NPAS2: variants seen among roughly 807,000 people sequenced by gnomAD.
NPAS2 encodes neuronal PAS domain protein 2, also known as neuronal PAS domain-containing protein 2.
NPAS2 carries 23 observed loss-of-function variants against 107.5 expected under a neutral mutation model. The observed-to-expected ratio is 0.21, with a 90% CI of 0.15 to 0.30. NPAS2 has a LOEUF of 0.30. Ranked by LOEUF, NPAS2 falls within the 10% of genes least tolerant of loss-of-function variation. NPAS2 has a pLI of 1.00. For synonymous variants in NPAS2, 403 were observed against 417.5 expected (o/e 0.97, Z 0.42); for missense variants, 756 against 1,043.3 (o/e 0.72, Z 3.79).
chr2:100,822,397 TG>T (rs991240214), intron 1 of NPAS2, among the ~76,000 whole-genome samples: 4 of 152,228 alleles, frequency 2.6e-5, no homozygotes, highest in African/African-American at 9.6e-5. Context: ...AATTTCTGGC[TG>T]TTTAATAATG....
intron 15 of NPAS2, among the ~76,000 whole-genome samples, chr2:100,980,685 G>A (rs1412959781): frequency 6.6e-6 from 1 of 152,100 alleles, no homozygotes; most frequent in African/African-American, 2.4e-5. Flanking sequence ...TGGCCAGGCT[G>A]GTCTCAAACT....
At chr2:100,877,383 T>C (rs1241985092) in intron 1 of NPAS2, among the ~76,000 whole-genome samples, 1 of 134,032 alleles carries the variant, frequency 7.5e-6, no homozygotes, top group African/African-American at 2.8e-5. Context: ...AAGAATGGCA[T>C]GAACCTGGGA....
Position 100,926,937 on chromosome 2 carries a change from CTTTCTTTTTTTTT to C in NPAS2, c.181+1647_181+1659del, listed in dbSNP as rs1295557577. Among the ~76,000 whole-genome samples, 1,007 of 138,216 alleles carry C rather than the reference CTTTCTTTTTTTTT, an allele frequency of 7.3e-3. 10 individuals are homozygous for C. Among genetic ancestry groups the C allele is most frequent in the African/African-American group, 0.026 (956 of 37,212 alleles). 90.7% of individuals were successfully genotyped at this position (138,216 alleles called of 152,430 possible). ...GGTTTATAACCTTTTTTCTTTTTTTCTTTCTTTTTTTTTTTTTTTTTGAGACAGTCTTGTTCTG... is the reference window on the plus strand; with the variant it reads ...GGTTTATAACCTTTTTTCTTTTTTTCTTTTTTTTGAGACAGTCTTGTTCTG... On this transcript the variant is annotated intron_variant, in intron 3 of 20. Transcript: ENST00000335681.
At chr2:100,951,676 G>A (rs1675229525) in intron 7 of NPAS2, among the ~76,000 whole-genome samples, 1 of 152,146 alleles carries the variant, frequency 6.6e-6, no homozygotes, top group Non-Finnish European at 1.5e-5. Context: ...GGGGCTGGAG[G>A]GAGGGGGAAA....
At chr2:100,910,980 A>G (rs1030570289) in intron 2 of NPAS2, among the ~76,000 whole-genome samples, 1 of 152,160 alleles carries the variant, frequency 6.6e-6, no homozygotes, top group Admixed American at 6.5e-5. Flanking sequence ...ACAGGAGGGG[A>G]CTGCACTGAC....
At position 100,996,475 on chromosome 2, in the gene NPAS2, C is replaced by G. The variant is rs1416982677; in HGVS notation, c.*893C>G. 1 of 152,650 alleles carries G rather than the reference C, an allele frequency of 6.6e-6. No homozygotes were observed. Among genetic ancestry groups the G allele is most frequent in the African/African-American group, 2.4e-5 (1 of 41,440 alleles). 9.5% of individuals were successfully genotyped at this position (152,650 alleles called of 1,614,324 possible). ...TGGGGGACTGCAGTCCCCAAGGAGA[C>G]CCTGCCACATGCTGGCCCTTTGAGT... On this transcript the variant is annotated 3_prime_UTR_variant, in exon 21 of 21. Coordinates refer to ENST00000335681, the MANE Select transcript of NPAS2 (RefSeq NM_002518.4).
chr2:100,891,533 T>C (rs567469955), intron 1 of NPAS2, among the ~76,000 whole-genome samples: 30 of 152,270 alleles, frequency 2.0e-4, no homozygotes, highest in African/African-American at 6.7e-4. Flanking sequence ...CTCCTATCGA[T>C]TGTGAAAAGT....
At chr2:100,891,433 T>C (rs999380621) in intron 1 of NPAS2, among the ~76,000 whole-genome samples, 1 of 152,068 alleles carries the variant, frequency 6.6e-6, no homozygotes, top group Non-Finnish European at 1.5e-5. Context: ...GCTCTGAAGG[T>C]CCCACCTGTT....
chr2:100,946,019 A>G (rs952259086), intron 5 of NPAS2, among the ~76,000 whole-genome samples: 3 of 152,192 alleles, frequency 2.0e-5, no homozygotes, highest in African/African-American at 7.2e-5. Context: ...CCTGTTGGAG[A>G]GAGGGAGGCG....
Position 100,968,519 on chromosome 2 carries a change from C to T in NPAS2, c.1055+91C>T. The T allele has an allele frequency of 1.6e-6, 2 of 1,247,846 alleles. No homozygotes were observed. Among genetic ancestry groups the T allele is most frequent in the Non-Finnish European group, 2.3e-6 (2 of 882,406 alleles). 77.3% of individuals were successfully genotyped at this position (1,247,846 alleles called of 1,614,324 possible). On this transcript the variant is annotated intron_variant, in intron 11 of 20. Transcript: ENST00000335681. This position sits in a 1 kb window ranked among gnomAD's most constrained non-coding sequence, Gnocchi z 5.3. Reference sequence around the variant, plus strand: ...GTGGCCCCTGATGGCCAAGTCAGATCAGCAGTCACTCAGGTGTTCCCCATT... The same window carrying T: ...GTGGCCCCTGATGGCCAAGTCAGATTAGCAGTCACTCAGGTGTTCCCCATT...
At chr2:100,927,772 C>T (rs1683677526) in intron 3 of NPAS2, among the ~76,000 whole-genome samples, 1 of 152,198 alleles carries the variant, frequency 6.6e-6, no homozygotes. Flanking sequence ...TCTCCCTTTT[C>T]CTCTCCTTCA....
At chr2:100,895,521 C>G (rs1416776601) in intron 1 of NPAS2, among the ~76,000 whole-genome samples, 1 of 152,226 alleles carries the variant, frequency 6.6e-6, no homozygotes, top group Non-Finnish European at 1.5e-5. Flanking sequence ...ATGCTGGACC[C>G]AGGAACTCTG....
Position 100,993,393 on chromosome 2 carries a change from G to A in NPAS2, c.2158G>A (p.Ala720Thr), listed in dbSNP as rs141749026. The change falls in exon 20 of 21, where the codon GCC becomes ACC. Residue 720 changes from alanine to threonine, a missense_variant. Around this residue, in one of 4 missense-constraint regions of NPAS2, gnomAD observed 496 missense variants for 594.4 expected, o/e 0.83. Coordinates refer to ENST00000335681, the MANE Select transcript of NPAS2 (RefSeq NM_002518.4). Reference protein sequence around the residue: ...TVFQNPDAHPANSSSAPMPVL... With the variant: ...TVFQNPDAHPTNSSSAPMPVL... Reference sequence around the variant, plus strand: ...GTTTCAAAATCCAGACGCACACCCCGCCAACAGCAGCAGCGCCCCGATGCC... The same window carrying A: ...GTTTCAAAATCCAGACGCACACCCCACCAACAGCAGCAGCGCCCCGATGCC... 2.9e-4 allele frequency: 474 copies of A among 1,610,138 alleles called. 1 individual carries two copies. The highest frequency in any genetic ancestry group is 3.6e-4 in the Non-Finnish European group (426 of 1,177,404).
At chr2:100,969,357 C>T (rs998417786) in intron 11 of NPAS2, among the ~76,000 whole-genome samples, 2 of 152,130 alleles carry the variant, frequency 1.3e-5, no homozygotes, top group African/African-American at 2.4e-5. Context: ...TTGTCCCCTA[C>T]CACCACCCCT....
intron 2 of NPAS2, among the ~76,000 whole-genome samples, chr2:100,919,064 G>A (rs1683061764): frequency 6.6e-5 from 10 of 152,210 alleles, no homozygotes; most frequent in Admixed American, 6.5e-4. Context: ...CCAATGAGAA[G>A]GCACACGGTA....
intron 2 of NPAS2, among the ~76,000 whole-genome samples, chr2:100,907,578 C>T (rs1682247562): frequency 6.6e-6 from 1 of 152,010 alleles, no homozygotes; most frequent in Admixed American, 6.6e-5. Context: ...ATGGGAGGCC[C>T]TTCCCCTAAT....
intron 2 of NPAS2, among the ~76,000 whole-genome samples, chr2:100,906,686 G>A (rs972640357): frequency 1.3e-5 from 2 of 152,162 alleles, no homozygotes; most frequent in South Asian, 2.1e-4. Context: ...CCTCTCCCGG[G>A]TTCAAGCGCA....
rs201564831 is a variant in NPAS2 at position 100,942,177 on chromosome 2, G to T, written c.363+4335G>T. ...AAATACTTCTGTATCATGCTGGCTC[G>T]CCAGGTACAAGCCCCAGCGAGAAGA... is the stretch of plus-strand genomic sequence containing the variant. On this transcript the variant is annotated intron_variant, in intron 5 of 20. Coordinates refer to ENST00000335681, the MANE Select transcript of NPAS2 (RefSeq NM_002518.4). Among the ~76,000 whole-genome samples, 9 of 152,188 alleles carry T rather than the reference G, an allele frequency of 5.9e-5. No individual in the cohort carries two copies. The East Asian group carries it at 1.7e-3, about 29-fold the overall frequency.
chr2:100,936,739 G>C (rs1684325027), intron 4 of NPAS2, among the ~76,000 whole-genome samples: 2 of 152,204 alleles, frequency 1.3e-5, no homozygotes, highest in Non-Finnish European at 2.9e-5. Context: ...CCAGCACTTT[G>C]GGAGGCTGAG....
Sources: gnomAD v4.1 joint callset for allele counts (sites outside exome capture counted in the v4.1 genomes callset) on GRCh38, gnomAD v4.1.1 for gene constraint, gnomAD v4.1.1 regional missense constraint, Gnocchi (gnomAD v3.1) non-coding constraint, MANE v1.5 for transcripts, NCBI Gene and HGNC (gene_info 2026-07-23, HGNC 2026-07-21) for gene names.